The following MLLT3 variants were observed in gnomAD, a reference collection of about 807,000 sequenced individuals.
MLLT3 encodes the protein protein AF-9.
A neutral mutation model predicts 53.2 loss-of-function variants in MLLT3; 4 were observed. That is an observed-to-expected ratio of 0.08 (90% CI 0.04 to 0.17). The LOEUF (loss-of-function observed/expected upper bound fraction) is 0.17. MLLT3 is among the 10% of genes least tolerant of loss of function. MLLT3 has a pLI of 1.00. For synonymous variants in MLLT3, 283 were observed against 230.6 expected, an observed-to-expected ratio of 1.23 and a Z score of -2.06; for missense variants, 569 against 684.0, an observed-to-expected ratio of 0.83 and a Z score of 1.87.
intron 2 of MLLT3, among the ~76,000 whole-genome samples, chr9:20,481,676 C>T (rs923762903): frequency 2.7e-4 from 41 of 152,306 alleles, no homozygotes; most frequent in South Asian, 2.1e-4. Context: ...TTCCGCCTAC[C>T]ATGCAGATCC....
At chr9:20,500,914 C>T (rs1295638208) in intron 2 of MLLT3, among the ~76,000 whole-genome samples, 1 of 152,218 alleles carries the variant, frequency 6.6e-6, no homozygotes, top group Non-Finnish European at 1.5e-5. Context: ...CTGGGTTACA[C>T]TCTAGCCCTC....
At chr9:20,467,289 A>C (rs1353279602) in intron 2 of MLLT3, among the ~76,000 whole-genome samples, 2 of 152,152 alleles carry the variant, frequency 1.3e-5, no homozygotes, top group Non-Finnish European at 2.9e-5. Context: ...TTAAGATTTT[A>C]AAAGTTCAGG....
At chr9:20,381,744 C>A (rs1238561543) in intron 5 of MLLT3, among the ~76,000 whole-genome samples, 2 of 151,772 alleles carry the variant, frequency 1.3e-5, no homozygotes, top group South Asian at 2.1e-4. Flanking sequence ...TAAGTTAAAT[C>A]TTGCAGTGTT....
Position 20,621,712 on chromosome 9 carries a change from G to C in MLLT3, c.12+533C>G. Reference sequence around the variant, plus strand: ...CCGGCGCTGGGGCAAAGTTGCGTGCGGCCCCGCCGCTGTCAGCCCCGCACA... The same window carrying C: ...CCGGCGCTGGGGCAAAGTTGCGTGCCGCCCCGCCGCTGTCAGCCCCGCACA... On this transcript the variant is annotated intron_variant, in intron 1 of 10. Coordinates refer to ENST00000380338, the MANE Select transcript of MLLT3 (RefSeq NM_004529.4). The surrounding 1 kb of genome is among the most constrained non-coding windows in gnomAD (Gnocchi z 7.0). The C allele has an allele frequency of 1.4e-6, 2 of 1,465,972 alleles. No individual in the cohort carries two copies. Among genetic ancestry groups the C allele is most frequent in the Non-Finnish European group, 1.8e-6 (2 of 1,108,058 alleles). 90.8% of individuals were successfully genotyped at this position (1,465,972 alleles called of 1,614,324 possible).
rs557659749 is a variant in MLLT3, at chr9:20,384,963, C to T, written c.1126-19219G>A. Among the ~76,000 whole-genome samples, 6 of 152,150 alleles carry T rather than the reference C, an allele frequency of 3.9e-5. No individual in the cohort carries two copies. In the South Asian group the frequency reaches 1.0e-3, roughly 26 times the overall value. On this transcript the variant is annotated intron_variant, in intron 5 of 10. Transcript: ENST00000380338. Reference sequence around the variant, plus strand: ...TGGTGGTCTAGATTATCTGGTCTTTCCCTCTTCTTTGCCTTTTTAGATCTC... The same window carrying T: ...TGGTGGTCTAGATTATCTGGTCTTTTCCTCTTCTTTGCCTTTTTAGATCTC...
At chr9:20,536,812 G>C (rs1818499630) in intron 2 of MLLT3, among the ~76,000 whole-genome samples, 3 of 150,708 alleles carry the variant, frequency 2.0e-5, no homozygotes, top group Admixed American at 2.0e-4. Flanking sequence ...CTCCACTCCA[G>C]TATGGGACGA....
intron 2 of MLLT3, among the ~76,000 whole-genome samples, chr9:20,584,699 C>A (rs1819903145): frequency 6.6e-6 from 1 of 152,134 alleles, no homozygotes. Context: ...AAAGACCAGG[C>A]CCCAAGATTC....
chr9:20,593,471 G>A (rs542166341), intron 2 of MLLT3, among the ~76,000 whole-genome samples: 10 of 152,140 alleles, frequency 6.6e-5, no homozygotes, highest in Non-Finnish European at 1.2e-4. Flanking sequence ...AATTTTTCTT[G>A]CTGCACTTTA....
chr9:20,564,026 T>C (rs117914477), intron 2 of MLLT3, among the ~76,000 whole-genome samples: 4 of 152,294 alleles, frequency 2.6e-5, no homozygotes, highest in East Asian at 1.9e-4. Flanking sequence ...TGCTGGAGTT[T>C]TCATGTTTTG....
At position 20,620,879 on chromosome 9, in the gene MLLT3, G is replaced by A. The variant is rs1275099584; in HGVS notation, c.13-45C>T. ...AGACAGCCGTGAATAACAGGAAGGC[G>A]AGGTTTCGGCAGTGAACGTTGCGCC... On this transcript the variant is annotated intron_variant, in intron 1 of 10. Transcript: ENST00000380338. This position sits in a 1 kb window ranked among gnomAD's most constrained non-coding sequence, Gnocchi z 6.1. The A allele has an allele frequency of 2.5e-6, 4 of 1,605,472 alleles. No individual in the cohort carries two copies. The highest frequency in any genetic ancestry group is 2.2e-5 in the South Asian group (2 of 90,922).
rs17758759 is a variant in MLLT3 at position 20,601,667 on chromosome 9, A to G, written c.193+18987T>C. Among the ~76,000 whole-genome samples, 1,522 of 152,340 alleles carry G rather than the reference A, an allele frequency of 1.0e-2. 61 individuals are homozygous for G. In the East Asian group the frequency reaches 0.14, roughly 14 times the overall value. ...GTACAATATTGAGTGTCCTGAAAGC[A>G]GACAGATCCTCAATAATGTAGCTTC... On this transcript the variant is annotated intron_variant, in intron 2 of 10. Transcript: ENST00000380338.
At chr9:20,380,112 T>C (rs943288375) in intron 5 of MLLT3, 1 of 152,062 alleles carries the variant, frequency 6.6e-6, no homozygotes, top group African/African-American at 2.4e-5. Flanking sequence ...GACTTCAGTA[T>C]TTACGGCCTT....
chr9:20,477,868 T>C lies in MLLT3; in HGVS notation c.194-21082A>G, dbSNP rs578056194. ...AAAGAAAGTCCTAAAGAGAAGGAAA[T>C]ATTTTCTACGACTGTATGTTTCACA... On this transcript the variant is annotated intron_variant, in intron 2 of 10. Transcript: ENST00000380338. 4.6e-5 allele frequency among the ~76,000 whole-genome samples: 7 copies of C among 152,286 alleles called. No individual in the cohort carries two copies. In the South Asian group the frequency reaches 1.2e-3, roughly 27 times the overall value.
intron 2 of MLLT3, among the ~76,000 whole-genome samples, chr9:20,619,846 TC>T (rs2131217772): frequency 6.6e-6 from 1 of 152,250 alleles, no homozygotes; most frequent in South Asian, 2.1e-4. Flanking sequence ...CAAACTAGAC[TC>T]CAAGGCTAAG....
chr9:20,512,799 G>A (rs116895687), intron 2 of MLLT3, among the ~76,000 whole-genome samples: 4,522 of 152,310 alleles, frequency 0.03, 97 homozygotes, highest in Middle Eastern at 0.092. Context: ...ACAAAGCACA[G>A]TACATGACTA....
chr9:20,574,962 G>A (rs571354426), intron 2 of MLLT3, among the ~76,000 whole-genome samples: 3 of 152,306 alleles, frequency 2.0e-5, no homozygotes, highest in African/African-American at 4.8e-5. Flanking sequence ...TGTTCAAAGC[G>A]TCTTCACCAG....
At chr9:20,359,032 C>G (rs1419559131) in intron 8 of MLLT3, among the ~76,000 whole-genome samples, 1 of 151,080 alleles carries the variant, frequency 6.6e-6, no homozygotes, top group Non-Finnish European at 1.5e-5. Flanking sequence ...GTAGTCCCAG[C>G]TACTCGCGGG....
At chr9:20,544,374 T>C (rs1818728598) in intron 2 of MLLT3, among the ~76,000 whole-genome samples, 1 of 152,184 alleles carries the variant, frequency 6.6e-6, no homozygotes, top group African/African-American at 2.4e-5. Flanking sequence ...AGGCAACCTA[T>C]GAAATGGGAA....
chr9:20,394,833 C>T (rs1434771168), intron 5 of MLLT3, among the ~76,000 whole-genome samples: 2 of 152,048 alleles, frequency 1.3e-5, no homozygotes, highest in Admixed American at 1.3e-4. Flanking sequence ...TGCCAGTAAA[C>T]AGGAAATCTT....
Sources: allele counts gnomAD v4.1 joint callset (sites outside exome capture counted in the v4.1 genomes callset), GRCh38; gene constraint gnomAD v4.1.1; non-coding constraint Gnocchi (gnomAD v3.1); transcripts MANE v1.5; gene names NCBI Gene and HGNC (gene_info 2026-07-23, HGNC 2026-07-21).